The following RARRES1 variants were observed in gnomAD, a reference collection of about 807,000 sequenced individuals.
The protein encoded by RARRES1 is retinoic acid receptor responder protein 1.
In RARRES1, 34 loss-of-function variants were observed where a neutral mutation model predicts 30.6. The observed-to-expected ratio is 1.11, with a 90% confidence interval of 0.84 to 1.48. The LOEUF is 1.48. Ranked by LOEUF, RARRES1 falls within the 40% of genes most tolerant of loss-of-function variation. RARRES1 has a pLI of 0.00. For missense variants in RARRES1, 373 were observed against 386.5 expected, an observed-to-expected ratio of 0.97 and a Z score of 0.29; for synonymous variants, 153 against 155.5, an observed-to-expected ratio of 0.98 and a Z score of 0.12.
intron 3 of RARRES1, among the ~76,000 whole-genome samples, chr3:158,706,250 A>G (rs1180511336): frequency 6.6e-6 from 1 of 152,190 alleles, no homozygotes; most frequent in African/African-American, 2.4e-5. Flanking sequence ...TAGTTGATAC[A>G]TTCCTTAAGA....
chr3:158,702,871 A>G (rs754709491), intron 4 of RARRES1, among the ~76,000 whole-genome samples: 2 of 152,186 alleles, frequency 1.3e-5, no homozygotes, highest in Non-Finnish European at 1.5e-5. Context: ...GTTCATTTTG[A>G]TAAGTAAAGA....
At chr3:158,717,492 AG>A (rs1202902902) in intron 1 of RARRES1, among the ~76,000 whole-genome samples, 1 of 152,210 alleles carries the variant, frequency 6.6e-6, no homozygotes, top group Admixed American at 6.5e-5. Flanking sequence ...AGAGCTGGCA[AG>A]GGCCTGAGGA....
intron 1 of RARRES1, among the ~76,000 whole-genome samples, chr3:158,724,025 C>T (rs1171159257): frequency 6.6e-6 from 1 of 152,194 alleles, no homozygotes; most frequent in African/African-American, 2.4e-5. Context: ...TAGGCAAGCA[C>T]ATGGGCAGAG....
At chr3:158,721,218 A>ACCCT (rs1727501786) in intron 1 of RARRES1, among the ~76,000 whole-genome samples, 1 of 152,106 alleles carries the variant, frequency 6.6e-6, no homozygotes, top group Non-Finnish European at 1.5e-5. Context: ...AAGTCAGGGT[A>ACCCT]GACTTGGGGT....
chr3:158,700,624 T>C (rs1438241809), intron 4 of RARRES1, among the ~76,000 whole-genome samples: 1 of 152,160 alleles, frequency 6.6e-6, no homozygotes, highest in Non-Finnish European at 1.5e-5. Flanking sequence ...GAAGAGGACA[T>C]TGCACATCCC....
At chr3:158,719,542 G>T (rs1169515734) in intron 1 of RARRES1, among the ~76,000 whole-genome samples, 1 of 152,166 alleles carries the variant, frequency 6.6e-6, no homozygotes, top group African/African-American at 2.4e-5. Flanking sequence ...AAAGTGTTGG[G>T]ATTACAGGCT....
At chr3:158,722,438 A>G (rs1190994127) in intron 1 of RARRES1, among the ~76,000 whole-genome samples, 1 of 152,230 alleles carries the variant, frequency 6.6e-6, no homozygotes, top group African/African-American at 2.4e-5. Flanking sequence ...GCATAAAGTC[A>G]ATTTGAAATA....
Position 158,697,971 on chromosome 3 carries a change from C to T in RARRES1, c.673-1G>A, listed in dbSNP as rs577143945. The T allele has an allele frequency of 6.6e-7, 1 of 1,506,856 alleles. No individual in the cohort carries two copies. The highest frequency in any genetic ancestry group is 1.4e-5 in the African/African-American group (1 of 72,400). 93.3% of individuals were successfully genotyped at this position (1,506,856 alleles called of 1,614,324 possible). Reference sequence around the variant, plus strand: ...AATCAATTGTATCATCATTAGTTTTCTAGAGGGAGAAAAAAGAGTTAGTGT... The same window carrying T: ...AATCAATTGTATCATCATTAGTTTTTTAGAGGGAGAAAAAAGAGTTAGTGT... On this transcript the variant is annotated splice_acceptor_variant, in intron 4 of 5. Transcript: ENST00000237696. LOFTEE classifies it high-confidence loss of function.
chr3:158,709,756 A>G (rs894801068), intron 3 of RARRES1, among the ~76,000 whole-genome samples: 1 of 152,212 alleles, frequency 6.6e-6, no homozygotes, highest in Non-Finnish European at 1.5e-5. Context: ...TTAATACCCA[A>G]GAGATGACTT....
In RARRES1 at chr3:158,697,135, A is replaced by G. The variant is rs1249602194; in HGVS notation, c.*543T>C. The G allele has an allele frequency of 6.6e-6, 1 of 152,222 alleles. No homozygotes were observed. The allele number at this position is 152,222 out of a possible 1,614,324, so 9.4% of individuals were successfully genotyped here. Reference sequence around the variant, plus strand: ...ATTTAGAAATGTAAACATTTATTTAAAAGTAGGTAGCAAGTTAAAAATGAA... The same window carrying G: ...ATTTAGAAATGTAAACATTTATTTAGAAGTAGGTAGCAAGTTAAAAATGAA... On this transcript the variant is annotated 3_prime_UTR_variant, in exon 6 of 6. Transcript: ENST00000237696.
intron 2 of RARRES1, among the ~76,000 whole-genome samples, chr3:158,712,483 AG>A (rs200713791): frequency 6.6e-6 from 1 of 152,262 alleles, no homozygotes; most frequent in East Asian, 1.9e-4. Flanking sequence ...AACACTTTCC[AG>A]TAGGCAATTT....
intron 4 of RARRES1, among the ~76,000 whole-genome samples, chr3:158,704,041 T>C (rs988156685): frequency 1.3e-5 from 2 of 152,004 alleles, no homozygotes; most frequent in African/African-American, 4.8e-5. Context: ...TCCTTCTAGT[T>C]AATCATACCA....
chr3:158,719,269 ATTTTTT>A (rs574609197), intron 1 of RARRES1, among the ~76,000 whole-genome samples: 1 of 122,136 alleles, frequency 8.2e-6, no homozygotes. Context: ...TTATGCTCTA[ATTTTTT>A]TTTTTTTTTT....
intron 4 of RARRES1, among the ~76,000 whole-genome samples, chr3:158,700,202 AGTGTGTGTGT>A (rs138755640): frequency 6.8e-6 from 1 of 147,674 alleles, no homozygotes; most frequent in Non-Finnish European, 1.5e-5. Flanking sequence ...AATAATAATA[AGTGTGTGTGT>A]GTGTGTGTGT....
chr3:158,730,074 C>T (rs1307295328), intron 1 of RARRES1, among the ~76,000 whole-genome samples: 1 of 152,054 alleles, frequency 6.6e-6, no homozygotes, highest in Non-Finnish European at 1.5e-5. Context: ...GTAATCCCAG[C>T]ACTTTGGGAG....
At chr3:158,707,953 G>T (rs1726979490) in intron 3 of RARRES1, among the ~76,000 whole-genome samples, 1 of 152,096 alleles carries the variant, frequency 6.6e-6, no homozygotes. Context: ...TCTTTAACCT[G>T]GTAATGTCAT....
At chr3:158,728,049 C>G (rs1248267048) in intron 1 of RARRES1, among the ~76,000 whole-genome samples, 8 of 152,194 alleles carry the variant, frequency 5.3e-5, no homozygotes, top group African/African-American at 1.9e-4. Context: ...ATCATTTAGT[C>G]TAAAGGCTTT....
At chr3:158,703,935 G>C (rs1392024426) in intron 4 of RARRES1, among the ~76,000 whole-genome samples, 1 of 152,110 alleles carries the variant, frequency 6.6e-6, no homozygotes, top group Non-Finnish European at 1.5e-5. Context: ...CAAATTCTCT[G>C]TTTGGTTATA....
At chr3:158,709,919 C>T (rs1466739807) in intron 3 of RARRES1, among the ~76,000 whole-genome samples, 1 of 152,216 alleles carries the variant, frequency 6.6e-6, no homozygotes, top group African/African-American at 2.4e-5. Context: ...AGCACCACTG[C>T]CCATTAACCA....
Sources: gnomAD v4.1 joint callset for allele counts (sites outside exome capture counted in the v4.1 genomes callset) on GRCh38, gnomAD v4.1.1 for gene constraint, MANE v1.5 for transcripts, NCBI Gene and HGNC (gene_info 2026-07-23, HGNC 2026-07-21) for gene names.